Variants in PCMTD1 observed in about 807,000 individuals in gnomAD.
The protein encoded by PCMTD1 is protein-L-isoaspartate O-methyltransferase domain-containing protein 1.
In PCMTD1, 12 loss-of-function variants were observed where a neutral mutation model predicts 37.6. The ratio of observed to expected loss-of-function variants is 0.32; its 90% CI spans 0.20 to 0.52. The LOEUF (loss-of-function observed/expected upper bound fraction) is 0.52, where lower values mean the gene tolerates loss of function less well. Ranked by LOEUF, PCMTD1 falls within the 20% of genes least tolerant of loss-of-function variation. The pLI is 0.97. For synonymous variants in PCMTD1, 117 were observed against 135.8 expected (o/e 0.86, Z 0.96); for missense variants, 235 against 421.3 (o/e 0.56, Z 3.87).
upstream of PCMTD1, chr8:51,899,052 G>C (rs774392172): frequency 6.3e-5 from 94 of 1,501,814 alleles, no homozygotes; most frequent in Non-Finnish European, 6.1e-5. Context: ...GGCGGGGCCC[G>C]GACCCGCGAC....
At chr8:51,856,533 T>C (rs1261316986) in intron 2 of PCMTD1, among the ~76,000 whole-genome samples, 2 of 152,196 alleles carry the variant, frequency 1.3e-5, no homozygotes, top group African/African-American at 2.4e-5. Context: ...AAAATGTATA[T>C]CCACACAAAG....
At chr8:51,831,263 A>ACTCG (rs1375948254) in intron 5 of PCMTD1, among the ~76,000 whole-genome samples, 181 bp downstream of exon 5, 2 of 151,160 alleles carry the variant, frequency 1.3e-5, no homozygotes, top group African/African-American at 4.9e-5. Flanking sequence ...GCACCACTGC[A>ACTCG]CTCGAGCCTG....
upstream of PCMTD1, chr8:51,899,126 G>C (rs989006377): frequency 6.5e-6 from 9 of 1,395,346 alleles, no homozygotes; most frequent in East Asian, 9.1e-5. Context: ...AGAGAACCAC[G>C]GGCACAGGGG....
chr8:51,875,652 TG>T (rs1229965799), intron 1 of PCMTD1, among the ~76,000 whole-genome samples: 2 of 152,160 alleles, frequency 1.3e-5, no homozygotes, highest in Non-Finnish European at 2.9e-5. Context: ...TCATATAGTG[TG>T]GGTGTTTGGA....
intron 3 of PCMTD1, among the ~76,000 whole-genome samples, chr8:51,838,305 G>A (rs1056701736): frequency 1.1e-4 from 17 of 151,984 alleles, no homozygotes; most frequent in Admixed American, 2.6e-4. Flanking sequence ...TGGGTAATGT[G>A]GCAAGACCCT....
chr8:51,839,495 G>A, intron 3 of PCMTD1: 1 of 985,380 alleles, frequency 1.0e-6, no homozygotes, highest in Non-Finnish European at 1.2e-6. Context: ...TCTTCATCTT[G>A]AGATGGACAG....
intron 2 of PCMTD1, among the ~76,000 whole-genome samples, chr8:51,856,338 G>A (rs543942040): frequency 6.6e-6 from 1 of 151,992 alleles, no homozygotes; most frequent in Non-Finnish European, 1.5e-5. Flanking sequence ...CCACTAACAC[G>A]GCTTTTTAAA....
intron 2 of PCMTD1, chr8:51,849,210 G>A (rs748943764): frequency 5.3e-5 from 8 of 151,916 alleles, no homozygotes; most frequent in South Asian, 4.2e-4. Flanking sequence ...AACCATTTGC[G>A]TGTATAACTT....
intron 1 of PCMTD1, among the ~76,000 whole-genome samples, 158 bp downstream of exon 1, chr8:51,898,772 C>T (rs1158185859): frequency 1.3e-5 from 2 of 151,744 alleles, no homozygotes. Context: ...GTTTCCTGGC[C>T]CCCGACCTGC....
At chr8:51,851,583 G>A (rs1409439878) in intron 2 of PCMTD1, among the ~76,000 whole-genome samples, 1 of 151,712 alleles carries the variant, frequency 6.6e-6, no homozygotes, top group Admixed American at 6.6e-5. Context: ...AATTCAATAA[G>A]CTGAGAATAA....
intron 3 of PCMTD1, among the ~76,000 whole-genome samples, chr8:51,842,528 T>C (rs1426773123): frequency 6.6e-6 from 1 of 151,846 alleles, no homozygotes; most frequent in Non-Finnish European, 1.5e-5. Context: ...TTTGCCATCT[T>C]TGCCCAGACT....
chr8:51,869,469 T>G (rs1283557319), intron 1 of PCMTD1, among the ~76,000 whole-genome samples: 1 of 152,078 alleles, frequency 6.6e-6, no homozygotes, highest in Non-Finnish European at 1.5e-5. Context: ...GAGCTCTAAT[T>G]TCCATGCTAT....
At chr8:51,869,815 T>A (rs1352222513) in intron 1 of PCMTD1, among the ~76,000 whole-genome samples, 2 of 152,154 alleles carry the variant, frequency 1.3e-5, no homozygotes, top group Admixed American at 6.6e-5. Flanking sequence ...AAAACACAAT[T>A]TCATTCCTTG....
chr8:51,845,540 T>C (rs1396074519), intron 3 of PCMTD1, 121 bp downstream of exon 3: 2 of 594,706 alleles, frequency 3.4e-6, no homozygotes, highest in Admixed American at 2.7e-5. Context: ...CATTTTATGG[T>C]GCACTGATTT....
intron 1 of PCMTD1, among the ~76,000 whole-genome samples, chr8:51,872,489 GT>G (rs2038653126): frequency 1.3e-5 from 2 of 152,092 alleles, no homozygotes; most frequent in South Asian, 4.2e-4. Flanking sequence ...TTTAAAACAA[GT>G]TGTTCACCTC....
At chr8:51,822,464 A>C (rs2037862544) in intron 5 of PCMTD1, among the ~76,000 whole-genome samples, 1 of 152,204 alleles carries the variant, frequency 6.6e-6, no homozygotes, top group South Asian at 2.1e-4. Flanking sequence ...AGGGGAGAAC[A>C]GGTTGAGAAG....
chr8:51,877,179 G>A (rs1384824954), intron 1 of PCMTD1, among the ~76,000 whole-genome samples: 1 of 152,158 alleles, frequency 6.6e-6, no homozygotes, highest in Non-Finnish European at 1.5e-5. Context: ...ACACTCGCCG[G>A]CAGTTTTGCC....
rs753185781 is a variant in PCMTD1, at chr8:51,861,202, A to G, written c.-51T>C. ...TTTAAAAGTGAAATAAAATTAGTAG[A>G]AATGGCTTCCAATATTGCACTTGAT... On this transcript the variant is annotated 5_prime_UTR_variant, in exon 2 of 6. Transcript: ENST00000522514. 62 of 1,521,798 alleles carry G rather than the reference A, an allele frequency of 4.1e-5. No individual in the cohort carries two copies. The Middle Eastern group carries it at 5.3e-4, about 13-fold the overall frequency. 94.3% of individuals were successfully genotyped at this position (1,521,798 alleles called of 1,614,324 possible). A position where few individuals can be genotyped will look rare whatever the true frequency, so the allele number is the denominator to read the frequency against.
intron 1 of PCMTD1, among the ~76,000 whole-genome samples, chr8:51,868,602 C>A (rs931697658): frequency 2.0e-5 from 3 of 151,804 alleles, no homozygotes; most frequent in African/African-American, 7.3e-5. Context: ...TATAATAAAG[C>A]CATATGGAAA....
Sources: gnomAD v4.1 joint callset for allele counts (sites outside exome capture counted in the v4.1 genomes callset) on GRCh38, gnomAD v4.1.1 for gene constraint, MANE v1.5 for transcripts, NCBI Gene and HGNC (gene_info 2026-07-23, HGNC 2026-07-21) for gene names.